Variants in CLMP observed in about 807,000 individuals in gnomAD.
CLMP encodes CXADR like cell adhesion molecule.
A neutral mutation model predicts 45.2 loss-of-function variants in CLMP; 27 were observed. The ratio of observed to expected loss-of-function variants is 0.60; its 90% CI spans 0.44 to 0.82. CLMP has a LOEUF of 0.82. CLMP is among the 40% of genes least tolerant of loss of function. The pLI, the probability that CLMP is intolerant of heterozygous loss-of-function variation, is 0.00. For synonymous variants in CLMP, 167 were observed against 171.4 expected (o/e 0.97, Z 0.20); for missense variants, 403 against 448.4 (o/e 0.90, Z 0.91).
At chr11:123,129,672 T>C (rs894063980) in intron 1 of CLMP, among the ~76,000 whole-genome samples, 6 of 142,442 alleles carry the variant, frequency 4.2e-5, no homozygotes, top group Non-Finnish European at 9.1e-5. Flanking sequence ...ATTTTATATA[T>C]ATAAATATTA....
At chr11:123,150,984 C>T (rs912395972) in intron 1 of CLMP, among the ~76,000 whole-genome samples, 6 of 152,006 alleles carry the variant, frequency 3.9e-5, no homozygotes, top group South Asian at 4.1e-4. Flanking sequence ...ATTACAGGCG[C>T]GAGCCACTGT....
chr11:123,125,172 A>C (rs1177584164), intron 1 of CLMP, among the ~76,000 whole-genome samples: 1 of 152,180 alleles, frequency 6.6e-6, no homozygotes, highest in African/African-American at 2.4e-5. Context: ...TGCTGAGATT[A>C]AGAGCAAGAG....
At chr11:123,161,492 C>A (rs1861486952) in intron 1 of CLMP, among the ~76,000 whole-genome samples, 2 of 151,806 alleles carry the variant, frequency 1.3e-5, no homozygotes. Flanking sequence ...CATGGTGAAA[C>A]CCCATCTCTA....
chr11:123,136,143 C>T, intron 1 of CLMP: 1 of 627,038 alleles, frequency 1.6e-6, no homozygotes, highest in South Asian at 1.4e-5. Context: ...GCAAGAAAGT[C>T]ACCACCTACT....
At chr11:123,194,448 T>C (rs535184469) in intron 1 of CLMP, among the ~76,000 whole-genome samples, 4 of 152,024 alleles carry the variant, frequency 2.6e-5, no homozygotes, top group Non-Finnish European at 5.9e-5. Flanking sequence ...GGCCCTGCCC[T>C]TTTTCCCTCT....
Position 123,097,899 on chromosome 11 carries a change from C to T in CLMP, c.82G>A (p.Glu28Lys). 6.2e-7 allele frequency: 1 copy of T among 1,609,056 alleles called. No homozygotes were observed. The highest frequency in any genetic ancestry group is 8.5e-7 in the Non-Finnish European group (1 of 1,177,846). The change falls in exon 2 of 7, where the codon GAG becomes AAG. Residue 28 changes from glutamate (E) to lysine (K), a missense_variant. Glu to Lys is a moderately conservative substitution (Grantham distance 56, BLOSUM62 1). Coordinates refer to ENST00000448775, the MANE Select transcript of CLMP (RefSeq NM_024769.5). ...GTHTEIKRVA[E>K]EKVTLPCHHQ... Reference sequence around the variant, plus strand: ...TGGCAGGGCAAAGTGACCTTTTCCTCTGCCACTCTCTTGATCTCAGTGTGA... The same window carrying T: ...TGGCAGGGCAAAGTGACCTTTTCCTTTGCCACTCTCTTGATCTCAGTGTGA...
At chr11:123,150,485 A>AAAGAAAGAAAGAAAG (rs1565397482) in intron 1 of CLMP, among the ~76,000 whole-genome samples, 1 of 109,924 alleles carries the variant, frequency 9.1e-6, no homozygotes, top group Non-Finnish European at 1.9e-5. Flanking sequence ...GAAAGAAAGG[A>AAAGAAAGAAAGAAAG]AGGAAGGAAG....
chr11:123,177,199 G>C (rs1374544655), intron 1 of CLMP, among the ~76,000 whole-genome samples: 1 of 152,196 alleles, frequency 6.6e-6, no homozygotes, highest in Non-Finnish European at 1.5e-5. Context: ...GCTTCTGTCT[G>C]AATTCAGAGC....
At chr11:123,131,263 CT>C (rs748070571) in intron 1 of CLMP, among the ~76,000 whole-genome samples, 1 of 151,700 alleles carries the variant, frequency 6.6e-6, no homozygotes. Context: ...TATAAAGAGC[CT>C]AGAAATTTCT....
chr11:123,158,407 C>A (rs537412462), intron 1 of CLMP, among the ~76,000 whole-genome samples: 3 of 152,286 alleles, frequency 2.0e-5, no homozygotes, highest in Admixed American at 2.0e-4. Flanking sequence ...TCAGGATCGG[C>A]GGAAGGTTTG....
intron 1 of CLMP, among the ~76,000 whole-genome samples, chr11:123,125,220 G>GC (rs1162896218): frequency 1.3e-5 from 2 of 152,070 alleles, no homozygotes; most frequent in African/African-American, 4.8e-5. Context: ...TTAAGCTAAA[G>GC]CAAGACTTTA....
chr11:123,090,497 C>T (rs749681126), intron 2 of CLMP, among the ~76,000 whole-genome samples: 6 of 151,912 alleles, frequency 3.9e-5, no homozygotes, highest in Non-Finnish European at 5.9e-5. Flanking sequence ...GATCTCCAAA[C>T]GGAAGCCTCT....
intron 1 of CLMP, among the ~76,000 whole-genome samples, chr11:123,123,520 A>C (rs1347640410): frequency 1.3e-5 from 2 of 151,948 alleles, no homozygotes; most frequent in Admixed American, 6.6e-5. Flanking sequence ...AGCCTCCCAA[A>C]GTGCTGGGAT....
intron 1 of CLMP, among the ~76,000 whole-genome samples, chr11:123,104,709 G>T (rs1036902577): frequency 6.6e-6 from 1 of 152,120 alleles, no homozygotes; most frequent in Non-Finnish European, 1.5e-5. Context: ...CCAAGGCTTA[G>T]CAGTGCTCAT....
At chr11:123,129,223 A>C (rs2135506852) in intron 1 of CLMP, among the ~76,000 whole-genome samples, 1 of 151,746 alleles carries the variant, frequency 6.6e-6, no homozygotes, top group East Asian at 1.9e-4. Flanking sequence ...CCAGCTACTC[A>C]GGAGGCTGAG....
intron 1 of CLMP, among the ~76,000 whole-genome samples, chr11:123,098,938 C>T (rs1866022420): frequency 6.6e-6 from 1 of 152,032 alleles, no homozygotes; most frequent in Non-Finnish European, 1.5e-5. Context: ...CACCATCCAC[C>T]CTCCTCAGCC....
intron 1 of CLMP, among the ~76,000 whole-genome samples, chr11:123,157,649 G>A (rs1861432363): frequency 6.6e-6 from 1 of 151,160 alleles, no homozygotes; most frequent in Non-Finnish European, 1.5e-5. Flanking sequence ...AACCCCGAGT[G>A]GGGCAGGAGG....
chr11:123,105,439 CT>C (rs1288147642), intron 1 of CLMP, among the ~76,000 whole-genome samples: 3 of 116,324 alleles, frequency 2.6e-5, no homozygotes, highest in African/African-American at 6.6e-5. Context: ...TTCTTTCTTT[CT>C]TTTTTTTTGA....
chr11:123,073,658 C>T lies in CLMP; in HGVS notation c.938G>A (p.Arg313His), dbSNP rs1865700600. 11 of 1,614,176 alleles carry T rather than the reference C, an allele frequency of 6.8e-6. No homozygotes were observed. Among genetic ancestry groups the T allele is most frequent in the African/African-American group, 2.7e-5 (2 of 75,048 alleles). ...STRSTANSASRSQRTLSTDAA... is the reference protein window; with the variant it reads ...STRSTANSASHSQRTLSTDAA... The stretch of plus-strand genomic sequence containing the variant: ...GTCAGTTGACAGTGTCCGCTGGCTG[C>T]GTGAGGCACTATTTGCTGTGGAGCG... The change falls in exon 7 of 7, where the codon CGC becomes CAC. Residue 313 changes from arginine to histidine, a missense_variant. Physicochemically the swap from Arg to His is conservative, Grantham distance 29. Transcript: ENST00000448775.
Sources: gnomAD v4.1 joint callset for allele counts (sites outside exome capture counted in the v4.1 genomes callset) on GRCh38, gnomAD v4.1.1 for gene constraint, MANE v1.5 for transcripts, NCBI Gene and HGNC (gene_info 2026-07-23, HGNC 2026-07-21) for gene names.